The following VPS36 variants were observed in gnomAD, a reference collection of about 807,000 sequenced individuals.
VPS36 encodes vacuolar protein sorting 36 homolog.
VPS36 carries 31 observed loss-of-function variants against 63.5 expected under a neutral mutation model. The ratio of observed to expected loss-of-function variants is 0.49; its 90% CI spans 0.37 to 0.66. VPS36 has a LOEUF of 0.66. Among genes scored for constraint, VPS36 ranks in the 30% least tolerant of loss-of-function variants. The pLI is 0.00. For missense variants in VPS36, 338 were observed against 463.7 expected, an observed-to-expected ratio of 0.73 and a Z score of 2.49; for synonymous variants, 138 against 157.2, an observed-to-expected ratio of 0.88 and a Z score of 0.91.
At chr13:52,416,274 C>T (rs762943273) in intron 12 of VPS36, 181 bp from the exon 13 acceptor site, 42 of 628,502 alleles carry the variant, frequency 6.7e-5, no homozygotes, top group Non-Finnish European at 1.0e-4. Context: ...ATGCTTAATC[C>T]TACAAAAGTT....
At chr13:52,422,613 C>T (rs1190950906) in intron 10 of VPS36, among the ~76,000 whole-genome samples, 1 of 152,126 alleles carries the variant, frequency 6.6e-6, no homozygotes, top group South Asian at 2.1e-4. Flanking sequence ...TTCATAAGTT[C>T]CCATCATTTA....
Position 52,417,995 on chromosome 13 carries a change from A to G in VPS36, c.902T>C (p.Leu301Pro), listed in dbSNP as rs1234837327. ...CTTCCTGCAGAGGTTCCTTTACCTG[A>G]GAGGTAATTTCAGTGCTTCCAGCAT... ...CKMLEALKLP[L>P]RLRVFDSGVM... The change falls in exon 11 of 14, where the codon CTC becomes CCC. Residue 301 changes from leucine to proline, a missense_variant. Physicochemically the swap from Leu to Pro is moderately conservative, Grantham distance 98. Coordinates refer to ENST00000378060, the MANE Select transcript of VPS36 (RefSeq NM_016075.4). 22 of 1,611,074 alleles carry G rather than the reference A, an allele frequency of 1.4e-5. No individual in the cohort carries two copies. Among genetic ancestry groups the G allele is most frequent in the Non-Finnish European group, 1.7e-5 (20 of 1,178,738 alleles).
chr13:52,439,070 A>G, intron 3 of VPS36, 28 bp downstream of exon 3: 1 of 1,603,944 alleles, frequency 6.2e-7, no homozygotes, highest in Non-Finnish European at 8.5e-7. Context: ...TTTTCTGTGA[A>G]TAAAGACTGT....
At chr13:52,434,135 C>T (rs907380117) in intron 5 of VPS36, among the ~76,000 whole-genome samples, 8 of 152,162 alleles carry the variant, frequency 5.3e-5, no homozygotes, top group Non-Finnish European at 1.0e-4. Context: ...TACTTTCATA[C>T]ATTTGAGTAC....
rs1435945921 is a variant in VPS36 at position 52,450,510 on chromosome 13, C to T, written c.85G>A (p.Gly29Ser). 6.3e-7 allele frequency: 1 copy of T among 1,593,718 alleles called. No homozygotes were observed. Among genetic ancestry groups the T allele is most frequent in the East Asian group, 2.3e-5 (1 of 42,712 alleles). The change falls in exon 1 of 14, where the codon GGC (glycine) becomes AGC (serine). Residue 29 changes from glycine (G) to serine (S), a missense_variant. By Grantham distance (56) the Gly-to-Ser change is moderately conservative. Coordinates refer to ENST00000378060, the MANE Select transcript of VPS36 (RefSeq NM_016075.4). The stretch of plus-strand genomic sequence containing the variant: ...GGCAGACGCCCTACCTTCTCCTCGC[C>T]ATCGTAGATTCGCACCCCGCGCTGC... Reference protein sequence around the residue: ...IQQRGVRIYDGEEKIKFDAGT... With the variant: ...IQQRGVRIYDSEEKIKFDAGT...
At chr13:52,447,986 T>C (rs1441156521) in intron 1 of VPS36, among the ~76,000 whole-genome samples, 1 of 152,190 alleles carries the variant, frequency 6.6e-6, no homozygotes, top group Admixed American at 6.5e-5. Context: ...ATACCTCATA[T>C]TCTGATGAGA....
At chr13:52,449,986 TC>T in intron 1 of VPS36, 1 of 985,726 alleles carries the variant, frequency 1.0e-6, no homozygotes, top group Non-Finnish European at 1.2e-6. Context: ...GATATGCTAA[TC>T]CCTCCGACTG....
chr13:52,422,959 C>T (rs1958060974), intron 10 of VPS36, among the ~76,000 whole-genome samples: 1 of 152,066 alleles, frequency 6.6e-6, no homozygotes, highest in African/African-American at 2.4e-5. Context: ...CTGTGCTGTT[C>T]TGGTGATAGC....
Position 52,434,882 on chromosome 13 carries a change from A to C in VPS36, c.352T>G (p.Phe118Val), listed in dbSNP as rs751307637. 1 of 1,612,986 alleles carries C rather than the reference A, an allele frequency of 6.2e-7. No homozygotes were observed. The highest frequency in any genetic ancestry group is 8.5e-7 in the Non-Finnish European group (1 of 1,179,458). Reference sequence around the variant, plus strand: ...ATTTCCTCTGATAAACGCCTGTAAAACTGATACGCAAATAAATACACTTTA... The same window carrying C: ...ATTTCCTCTGATAAACGCCTGTAAACCTGATACGCAAATAAATACACTTTA... The part of the protein sequence containing the change: ...LSFKEHGQIE[F>V]YRRLSEEMTQ... The change falls in exon 5 of 14, where the codon TTT (phenylalanine) becomes GTT (valine). Residue 118 changes from phenylalanine (F) to valine (V), a missense_variant and splice_region_variant. Coordinates refer to ENST00000378060, the MANE Select transcript of VPS36 (RefSeq NM_016075.4).
At chr13:52,439,982 ATTTTT>A (rs1175787551) in intron 2 of VPS36, among the ~76,000 whole-genome samples, 1 of 145,154 alleles carries the variant, frequency 6.9e-6, no homozygotes, top group East Asian at 2.0e-4. Flanking sequence ...CATATGTTTA[ATTTTT>A]TTTTTTTTTG....
In VPS36 at chr13:52,412,886, C is replaced by T. The variant is rs1957960999; in HGVS notation, c.*2944G>A. On this transcript the variant is annotated 3_prime_UTR_variant, in exon 14 of 14. Transcript: ENST00000378060. The stretch of plus-strand genomic sequence containing the variant: ...CAACCATACCTACTGGAAAAAGACA[C>T]ATGCATGGAAATTATTAATGCTATA... The T allele has an allele frequency of 6.6e-6, 1 of 152,550 alleles. No homozygotes were observed. The highest frequency in any genetic ancestry group is 1.5e-5 in the Non-Finnish European group (1 of 68,048). The allele number at this position is 152,550 out of a possible 1,614,324, so 9.4% of individuals were successfully genotyped here.
chr13:52,445,918 C>A (rs1272399398), intron 1 of VPS36, among the ~76,000 whole-genome samples: 6 of 102,778 alleles, frequency 5.8e-5, no homozygotes, highest in East Asian at 2.8e-4. Flanking sequence ...CCAGCCTGGG[C>A]GACAGAGAAA....
At chr13:52,449,897 C>T (rs1594127758) in intron 1 of VPS36, 2 of 984,768 alleles carry the variant, frequency 2.0e-6, no homozygotes, top group Middle Eastern at 1.0e-3. Flanking sequence ...ACCCAATAGC[C>T]TTTGGCAAGG....
intron 2 of VPS36, 69 bp from the exon 3 acceptor site, chr13:52,439,237 G>A: frequency 1.4e-6 from 2 of 1,386,130 alleles, no homozygotes; most frequent in South Asian, 1.3e-5. Flanking sequence ...AGAAATCCTT[G>A]TTTTATAGCA....
chr13:52,427,069 G>A lies in VPS36; in HGVS notation c.562-3C>T. The A allele has an allele frequency of 6.2e-7, 1 of 1,609,480 alleles. No individual in the cohort carries two copies. The highest frequency in any genetic ancestry group is 8.5e-7 in the Non-Finnish European group (1 of 1,178,158). ...GATAATTCCACCATTTCCTTAGCCT[G>A]TCAAATAAAAAGTAAAGACTGAAAA... On this transcript the variant is annotated splice_region_variant and splice_polypyrimidine_tract_variant and intron_variant, in intron 7 of 13. Coordinates refer to ENST00000378060, the MANE Select transcript of VPS36 (RefSeq NM_016075.4).
At chr13:52,447,566 G>A (rs1038168895) in intron 1 of VPS36, among the ~76,000 whole-genome samples, 5 of 152,188 alleles carry the variant, frequency 3.3e-5, no homozygotes, top group African/African-American at 1.2e-4. Flanking sequence ...AAACAAGCGA[G>A]TCTGCATGTA....
chr13:52,432,012 A>T (rs1958163284), intron 6 of VPS36, among the ~76,000 whole-genome samples: 1 of 152,164 alleles, frequency 6.6e-6, no homozygotes, highest in Non-Finnish European at 1.5e-5. Flanking sequence ...ATTGAAATCC[A>T]TCAAATATGC....
At chr13:52,444,413 T>C (rs907764106) in intron 1 of VPS36, among the ~76,000 whole-genome samples, 7 of 151,472 alleles carry the variant, frequency 4.6e-5, no homozygotes, top group African/African-American at 1.7e-4. Context: ...TGAGCCGAGA[T>C]CGCGCCACTG....
intron 9 of VPS36, among the ~76,000 whole-genome samples, chr13:52,424,692 A>T (rs1226951891): frequency 6.6e-6 from 1 of 152,212 alleles, no homozygotes; most frequent in Non-Finnish European, 1.5e-5. Flanking sequence ...TGTAAGAGAA[A>T]ATGTGAATAC....
Sources: allele counts gnomAD v4.1 joint callset (sites outside exome capture counted in the v4.1 genomes callset), GRCh38; gene constraint gnomAD v4.1.1; transcripts MANE v1.5; gene names NCBI Gene and HGNC (gene_info 2026-07-23, HGNC 2026-07-21).